Variants in PLEKHB2 observed in about 807,000 individuals in gnomAD.
PLEKHB2 encodes the protein pleckstrin homology domain-containing family B member 2.
Under a neutral mutation model 36.5 loss-of-function variants are expected in PLEKHB2, and 31 were observed. The observed-to-expected ratio is 0.85, with a 90% CI of 0.64 to 1.15. PLEKHB2 has a LOEUF of 1.15. Ranked by LOEUF, PLEKHB2 falls within the 50% of genes most tolerant of loss-of-function variation. PLEKHB2 has a pLI of 0.00. For missense variants in PLEKHB2, 262 were observed against 295.3 expected (o/e 0.89, Z 0.83); for synonymous variants, 119 against 112.0 (o/e 1.06, Z -0.39).
intron 1 of PLEKHB2, among the ~76,000 whole-genome samples, chr2:131,115,046 TAGTTG>T (rs1695715163): frequency 6.6e-6 from 1 of 152,210 alleles, no homozygotes; most frequent in African/African-American, 2.4e-5. Flanking sequence ...GAAGGAGGTT[TAGTTG>T]ACTCACAGTT....
In PLEKHB2 at chr2:131,120,785, T is replaced by C. The variant is rs764683290; in HGVS notation, c.-8-149T>C. ...GGGCACATGAACCCCAATGAGGAGG[T>C]GTTTGTTAAATGCCAGGGGGGCACT... On this transcript the variant is annotated intron_variant, in intron 1 of 7. Coordinates refer to ENST00000693505, the MANE Select transcript of PLEKHB2 (RefSeq NM_001100623.2). The C allele has an allele frequency of 2.0e-5, 15 of 740,468 alleles. No homozygotes were observed. The South Asian group carries it at 2.2e-4, about 11-fold the overall frequency. The allele number at this position is 740,468 out of a possible 1,614,324, so 45.9% of individuals were successfully genotyped here.
chr2:131,130,016 G>C (rs1697517656), intron 4 of PLEKHB2, among the ~76,000 whole-genome samples: 1 of 151,946 alleles, frequency 6.6e-6, no homozygotes, highest in Non-Finnish European at 1.5e-5. Flanking sequence ...AGAGTGTAAG[G>C]GTAATAGGGA....
rs35889012 is a variant in PLEKHB2, at chr2:131,131,758, C to CTT, written c.333+1014_333+1015dup. Among the ~76,000 whole-genome samples the CTT allele has an allele frequency of 3.7e-3, 512 of 139,142 alleles. 7 individuals are homozygous for CTT. The highest frequency in any genetic ancestry group is 0.012 in the African/African-American group (452 of 38,842). The allele number at this position is 139,142 out of a possible 152,430, so 91.3% of individuals were successfully genotyped here. A position where few individuals can be genotyped will look rare whatever the true frequency, so the allele number is the denominator to read the frequency against. On this transcript the variant is annotated intron_variant, in intron 5 of 7. Transcript: ENST00000693505. ...TTACCTTTTCTTCATGAAAATCCCCCTTTTTTTTTTTTTTTTTGGGTAAAA... is the reference window on the plus strand; with the variant it reads ...TTACCTTTTCTTCATGAAAATCCCCCTTTTTTTTTTTTTTTTTTTGGGTAAAA...
intron 5 of PLEKHB2, among the ~76,000 whole-genome samples, chr2:131,131,608 A>T (rs942931480): frequency 6.6e-6 from 1 of 152,190 alleles, no homozygotes; most frequent in African/African-American, 2.4e-5. Context: ...AGGTGGATCA[A>T]GCTTACAGAA....
intron 1 of PLEKHB2, among the ~76,000 whole-genome samples, chr2:131,108,927 C>T (rs566959100): frequency 6.2e-4 from 95 of 152,280 alleles, no homozygotes; most frequent in African/African-American, 2.1e-3. Context: ...TGGGAATTTT[C>T]GTTTTATAGA....
Position 131,112,375 on chromosome 2 carries a change from A to G in PLEKHB2, c.-9+6977A>G, listed in dbSNP as rs1695422842. Among the ~76,000 whole-genome samples, 4 of 152,142 alleles carry G rather than the reference A, an allele frequency of 2.6e-5. No individual in the cohort carries two copies. In the South Asian group the frequency reaches 8.3e-4, roughly 32 times the overall value. On this transcript the variant is annotated intron_variant, in intron 1 of 7. Transcript: ENST00000693505. ...TCCTTTGTAATACCCTTTATAATAA[A>G]CTGGTAAATATAAGTCATTGTTTAC...
chr2:131,113,518 T>G (rs1695545350), intron 1 of PLEKHB2, among the ~76,000 whole-genome samples: 1 of 152,182 alleles, frequency 6.6e-6, no homozygotes, highest in African/African-American at 2.4e-5. Flanking sequence ...ACTTGCTCTG[T>G]ATTCCTATTT....
At chr2:131,131,610 C>T (rs1697692219) in intron 5 of PLEKHB2, among the ~76,000 whole-genome samples, 2 of 152,126 alleles carry the variant, frequency 1.3e-5, no homozygotes, top group South Asian at 4.1e-4. Context: ...GTGGATCAAG[C>T]TTACAGAAGA....
rs188040366 is a variant in PLEKHB2 at position 131,127,947 on chromosome 2, C to A, written c.293+1161C>A. Among the ~76,000 whole-genome samples, 325 of 152,314 alleles carry A rather than the reference C, an allele frequency of 2.1e-3. 3 individuals carry two copies. Among genetic ancestry groups the A allele is most frequent in the African/African-American group, 7.5e-3 (313 of 41,576 alleles). On this transcript the variant is annotated intron_variant, in intron 4 of 7. Coordinates refer to ENST00000693505, the MANE Select transcript of PLEKHB2 (RefSeq NM_001100623.2). ...TGCAGGGCAGTGAAAGGCACTGAAG[C>A]TCACAGGAGTTGGGTAATTTTCTGT... is the stretch of plus-strand genomic sequence containing the variant.
chr2:131,121,085 G>A, intron 2 of PLEKHB2, 107 bp downstream of exon 2: 2 of 1,042,494 alleles, frequency 1.9e-6, no homozygotes, highest in East Asian at 2.4e-5. Context: ...AGTTTTATGA[G>A]TGCTATGGCC....
chr2:131,129,186 G>A (rs138840469), intron 4 of PLEKHB2, among the ~76,000 whole-genome samples: 15,596 of 151,344 alleles, frequency 0.1, 924 homozygotes, highest in South Asian at 0.25. Flanking sequence ...TTAGCCAGGC[G>A]TGGTGGCAGG....
intron 1 of PLEKHB2, among the ~76,000 whole-genome samples, chr2:131,109,003 G>T (rs1256523179): frequency 6.6e-6 from 1 of 152,114 alleles, no homozygotes; most frequent in South Asian, 2.1e-4. Context: ...TAACTCTAAA[G>T]CTTATACCCA....
intron 1 of PLEKHB2, among the ~76,000 whole-genome samples, chr2:131,110,204 T>A (rs906443023): frequency 1.3e-5 from 2 of 152,186 alleles, no homozygotes; most frequent in African/African-American, 4.8e-5. Context: ...CATAGAAGAC[T>A]TTTGCTGCCT....
chr2:131,105,740 CG>C (rs1372220290), intron 1 of PLEKHB2, among the ~76,000 whole-genome samples: 1 of 152,186 alleles, frequency 6.6e-6, no homozygotes, highest in African/African-American at 2.4e-5. Context: ...CCCTCCTCTC[CG>C]GCCCCGCGGA....
At chr2:131,146,491 A>G (rs76214160) in intron 7 of PLEKHB2, 146 bp from the exon 8 acceptor site, 8,360 of 738,390 alleles carry the variant, frequency 0.011, 115 homozygotes, top group African/African-American at 0.047. Flanking sequence ...TGTCGGCCAC[A>G]TGATGTGCCT....
At chr2:131,128,203 T>G (rs1697289650) in intron 4 of PLEKHB2, among the ~76,000 whole-genome samples, 1 of 152,086 alleles carries the variant, frequency 6.6e-6, no homozygotes, top group South Asian at 2.1e-4. Context: ...GATACCAGAT[T>G]AGGTAGGAAG....
At chr2:131,136,992 G>C (rs1044591671) in intron 6 of PLEKHB2, among the ~76,000 whole-genome samples, 1 of 149,168 alleles carries the variant, frequency 6.7e-6, no homozygotes, top group African/African-American at 2.5e-5. Context: ...TGTCGCCCAG[G>C]CTGGAGTGCA....
intron 6 of PLEKHB2, among the ~76,000 whole-genome samples, chr2:131,136,808 G>C (rs1698300947): frequency 6.6e-6 from 1 of 151,640 alleles, no homozygotes. Context: ...TTCTTTTCTG[G>C]GAGAAATTGT....
Position 131,149,442 on chromosome 2 carries a change from C to T in PLEKHB2, c.*2669C>T, listed in dbSNP as rs577207227. Reference sequence around the variant, plus strand: ...GCTGATCTGATTGTTCTTTTCATTCCTTGAGTCAACTTCAGGGTCTTGGAT... The same window carrying T: ...GCTGATCTGATTGTTCTTTTCATTCTTTGAGTCAACTTCAGGGTCTTGGAT... On this transcript the variant is annotated 3_prime_UTR_variant, in exon 8 of 8. Coordinates refer to ENST00000693505, the MANE Select transcript of PLEKHB2 (RefSeq NM_001100623.2). The T allele has an allele frequency of 6.6e-6, 1 of 152,136 alleles. No homozygotes were observed. Among genetic ancestry groups the T allele is most frequent in the African/African-American group, 2.4e-5 (1 of 41,408 alleles). 9.4% of individuals were successfully genotyped at this position (152,136 alleles called of 1,614,324 possible). A position where few individuals can be genotyped will look rare whatever the true frequency, so the allele number is the denominator to read the frequency against.
Sources: gnomAD v4.1 joint callset for allele counts (sites outside exome capture counted in the v4.1 genomes callset) on GRCh38, gnomAD v4.1.1 for gene constraint, MANE v1.5 for transcripts, NCBI Gene and HGNC (gene_info 2026-07-23, HGNC 2026-07-21) for gene names.